The following ROBO2 variants were observed in gnomAD, a reference collection of about 807,000 sequenced individuals.
The protein encoded by ROBO2 is roundabout guidance receptor 2.
ROBO2 carries 53 observed loss-of-function variants against 160.8 expected under a neutral mutation model. That is an observed-to-expected ratio of 0.33 (90% CI 0.26 to 0.41). The LOEUF (loss-of-function observed/expected upper bound fraction) is 0.41. ROBO2 is among the 10% of genes least tolerant of loss of function. The pLI, the probability that ROBO2 is intolerant of heterozygous loss-of-function variation, is 1.00. For synonymous variants in ROBO2, 664 were observed against 611.7 expected (o/e 1.09, Z -1.26); for missense variants, 1,577 against 1,722.4 (o/e 0.92, Z 1.49).
chr3:77,020,371 T>C (rs909338910), intron 2 of ROBO2, among the ~76,000 whole-genome samples: 1 of 152,218 alleles, frequency 6.6e-6, no homozygotes, highest in African/African-American at 2.4e-5. Flanking sequence ...AGTGTAAATG[T>C]TTTGTTTTTC....
intron 2 of ROBO2, among the ~76,000 whole-genome samples, chr3:77,109,131 C>T (rs540935310): frequency 1.4e-4 from 21 of 152,270 alleles, no homozygotes; most frequent in African/African-American, 4.3e-4. Context: ...AAAAACGCAT[C>T]TGTAGTTCAA....
intron 2 of ROBO2, among the ~76,000 whole-genome samples, chr3:76,560,449 G>A (rs922400162): frequency 6.6e-5 from 10 of 151,734 alleles, no homozygotes; most frequent in Non-Finnish European, 1.0e-4. Context: ...ATGTTTTGAG[G>A]CATTAAATGG....
At chr3:77,599,241 A>AATAG (rs71104694) in intron 19 of ROBO2, among the ~76,000 whole-genome samples, 88,238 of 151,488 alleles carry the variant, frequency 0.58, 25,720 homozygotes, top group Middle Eastern at 0.68. Context: ...TAATATATGA[A>AATAG]ATAGTCATAT....
intron 2 of ROBO2, among the ~76,000 whole-genome samples, chr3:76,877,291 C>T (rs774524381): frequency 1.3e-5 from 2 of 152,120 alleles, no homozygotes; most frequent in Non-Finnish European, 2.9e-5. Flanking sequence ...TAGTCTTAAT[C>T]GTACGCAAAC....
intron 2 of ROBO2, among the ~76,000 whole-genome samples, chr3:76,994,975 G>C (rs932706219): frequency 6.6e-6 from 1 of 151,464 alleles, no homozygotes; most frequent in Non-Finnish European, 1.5e-5. Flanking sequence ...TATACTTTAA[G>C]TTCTAGGGTA....
intron 2 of ROBO2, among the ~76,000 whole-genome samples, chr3:76,119,488 G>A (rs1400624439): frequency 1.3e-5 from 2 of 151,248 alleles, no homozygotes; most frequent in Non-Finnish European, 2.9e-5. Context: ...ATTATTTAGT[G>A]GTCCAATAAA....
intron 2 of ROBO2, among the ~76,000 whole-genome samples, chr3:76,695,668 C>T (rs2092912162): frequency 6.6e-6 from 1 of 152,106 alleles, no homozygotes; most frequent in Non-Finnish European, 1.5e-5. Flanking sequence ...AGTCCTATTC[C>T]AAAAACTTTA....
At chr3:77,365,970 GT>G (rs35983928) in intron 2 of ROBO2, among the ~76,000 whole-genome samples, 2 of 152,028 alleles carry the variant, frequency 1.3e-5, no homozygotes, top group Admixed American at 1.3e-4. Context: ...GCAGAAAAAT[GT>G]TTTTTTCTCC....
chr3:75,950,438 A>G (rs1948490990), intron 2 of ROBO2, among the ~76,000 whole-genome samples: 2 of 152,158 alleles, frequency 1.3e-5, no homozygotes, highest in South Asian at 4.1e-4. Context: ...TAAATAGAAT[A>G]TGAAAATTTA....
chr3:77,477,644 T>C (rs2084179528), intron 3 of ROBO2, 73 bp downstream of exon 3: 1 of 1,330,172 alleles, frequency 7.5e-7, no homozygotes, highest in Non-Finnish European at 1.1e-6. Context: ...ATGTATTTTA[T>C]TCTTTAACAT....
intron 2 of ROBO2, among the ~76,000 whole-genome samples, chr3:76,723,591 A>G (rs894459309): frequency 2.0e-5 from 3 of 152,060 alleles, no homozygotes; most frequent in African/African-American, 7.2e-5. Flanking sequence ...CTCATACAAA[A>G]TTCTTTGTCT....
chr3:76,142,463 A>G lies in ROBO2; in HGVS notation c.109+204861A>G, dbSNP rs567443931. 1.3e-3 allele frequency among the ~76,000 whole-genome samples: 202 copies of G among 152,194 alleles called. 1 individual carries two copies. The Middle Eastern group carries it at 0.014, about 10-fold the overall frequency. ...AAAGAAAATGTAGTACATATACACA[A>G]TGGAGTACTATTCAGCCACAAAAGA... On this transcript the variant is annotated intron_variant, in intron 2 of 26. Transcript: ENST00000487694.
intron 1 of ROBO2, among the ~76,000 whole-genome samples, chr3:77,083,397 T>C (rs1240282595): frequency 1.3e-5 from 2 of 152,160 alleles, no homozygotes; most frequent in East Asian, 3.9e-4. Context: ...GCCAAGGGAG[T>C]ATAAAAATTT....
chr3:76,539,742 T>C (rs2082714402), intron 2 of ROBO2, among the ~76,000 whole-genome samples: 1 of 152,156 alleles, frequency 6.6e-6, no homozygotes, highest in Admixed American at 6.5e-5. Context: ...CTTTCTAATG[T>C]CAGAAAGCTG....
chr3:77,564,770 G>A (rs947196842), intron 11 of ROBO2, among the ~76,000 whole-genome samples, 184 bp from the exon 13 acceptor site: 5 of 151,872 alleles, frequency 3.3e-5, no homozygotes. Flanking sequence ...AGGTGGGCTC[G>A]GCTTTGTTGT....
intron 2 of ROBO2, among the ~76,000 whole-genome samples, chr3:77,123,406 T>C (rs1008543051): frequency 3.3e-5 from 5 of 152,166 alleles, no homozygotes; most frequent in Non-Finnish European, 7.4e-5. Context: ...TTATTGCTTT[T>C]ACAAAGGTGC....
intron 2 of ROBO2, among the ~76,000 whole-genome samples, chr3:77,212,624 T>C (rs575045829): frequency 2.0e-5 from 3 of 152,024 alleles, no homozygotes; most frequent in South Asian, 4.2e-4. Flanking sequence ...TGAATAGGAG[T>C]GGTGAGAGAG....
chr3:76,288,066 A>AAAACAATTTCCAG (rs1576273187), intron 2 of ROBO2, among the ~76,000 whole-genome samples: 2 of 152,254 alleles, frequency 1.3e-5, no homozygotes, highest in Admixed American at 6.5e-5. Context: ...TTTTTTTCTA[A>AAAACAATTTCCAG]GTATAAAAAA....
intron 2 of ROBO2, among the ~76,000 whole-genome samples, chr3:76,134,438 T>G (rs1454971170): frequency 6.6e-6 from 1 of 152,126 alleles, no homozygotes; most frequent in Non-Finnish European, 1.5e-5. Flanking sequence ...TGTTATGTTC[T>G]ATGGCAAAAC....
Sources: allele counts gnomAD v4.1 joint callset (sites outside exome capture counted in the v4.1 genomes callset), GRCh38; gene constraint gnomAD v4.1.1; transcripts MANE v1.5; gene names NCBI Gene and HGNC (gene_info 2026-07-23, HGNC 2026-07-21).